Variants in SHPRH observed in about 807,000 individuals in gnomAD.
SHPRH encodes E3 ubiquitin-protein ligase SHPRH.
A neutral mutation model predicts 202.5 loss-of-function variants in SHPRH; 106 were observed. That is an observed-to-expected ratio of 0.52 (90% confidence interval 0.45 to 0.62). The LOEUF (loss-of-function observed/expected upper bound fraction) is 0.62. Among genes scored for constraint, SHPRH ranks in the 20% least tolerant of loss-of-function variants. The pLI is 0.00. For missense variants in SHPRH, 1,710 were observed against 2,020.0 expected (o/e 0.85, Z 2.94); for synonymous variants, 729 against 686.0 (o/e 1.06, Z -0.98).
chr6:145,942,236 T>C lies in SHPRH; in HGVS notation c.2239-362A>G, dbSNP rs567950205. Among the ~76,000 whole-genome samples the C allele has an allele frequency of 1.5e-4, 23 of 152,336 alleles. No individual in the cohort carries two copies. The South Asian group carries it at 1.9e-3, about 12-fold the overall frequency. ...GTAGGAGGATGGAATCAATAGCATA[T>C]GTGAAAGCACAATGGTATGAAAAAG... On this transcript the variant is annotated intron_variant, in intron 9 of 29. Transcript: ENST00000275233.
chr6:145,902,121 T>C (rs1420557427), intron 25 of SHPRH, among the ~76,000 whole-genome samples: 1 of 152,060 alleles, frequency 6.6e-6, no homozygotes, highest in Non-Finnish European at 1.5e-5. Context: ...TGAAGTAAAG[T>C]GAAGTCTTCC....
chr6:145,876,381 AAAT>A (rs1490507254), intron 2 of SHPRH, among the ~76,000 whole-genome samples: 1 of 152,222 alleles, frequency 6.6e-6, no homozygotes, highest in Non-Finnish European at 1.5e-5. Context: ...CCTCTAAAAA[AAAT>A]AAAGATTTGC....
intron 10 of SHPRH, 48 bp downstream of exon 10, chr6:145,941,575 T>A (rs2128779592): frequency 6.2e-7 from 1 of 1,603,616 alleles, no homozygotes; most frequent in Admixed American, 1.7e-5. Context: ...CCTAATTCCT[T>A]TTCACCCTTC....
chr6:145,925,166 A>G (rs1784752894), intron 16 of SHPRH, among the ~76,000 whole-genome samples: 1 of 151,806 alleles, frequency 6.6e-6, no homozygotes, highest in African/African-American at 2.4e-5. Context: ...AATGATAGGC[A>G]AAGCAAAGAC....
chr6:145,921,129 A>T (rs965339276), intron 21 of SHPRH, 38 bp downstream of exon 21: 1 of 1,550,106 alleles, frequency 6.5e-7, no homozygotes, highest in Non-Finnish European at 8.8e-7. Flanking sequence ...AAAAAAGAAG[A>T]ATTTTTAATT....
chr6:145,914,633 T>A (rs1783790775), intron 23 of SHPRH, among the ~76,000 whole-genome samples: 1 of 152,150 alleles, frequency 6.6e-6, no homozygotes, highest in African/African-American at 2.4e-5. Flanking sequence ...GTTAAAGAAG[T>A]TATAAATTTT....
At chr6:145,961,431 G>C (rs528959414) in intron 1 of SHPRH, among the ~76,000 whole-genome samples, 38 of 152,166 alleles carry the variant, frequency 2.5e-4, no homozygotes, top group Admixed American at 5.9e-4. Context: ...TCAAAGTATA[G>C]AGTAGTTGAG....
chr6:145,887,652 C>T (rs1781187449), intron 29 of SHPRH, among the ~76,000 whole-genome samples: 1 of 150,598 alleles, frequency 6.6e-6, no homozygotes, highest in Admixed American at 6.7e-5. Context: ...TCTCCTGCTT[C>T]AGCCTCCCGA....
chr6:145,886,728 G>T lies in SHPRH; in HGVS notation c.5015C>A (p.Ala1672Glu). The T allele has an allele frequency of 1.9e-6, 3 of 1,613,698 alleles. No homozygotes were observed. Among genetic ancestry groups the T allele is most frequent in the Non-Finnish European group, 2.5e-6 (3 of 1,179,750 alleles). The change falls in exon 30 of 30, where the codon GCA becomes GAA. Residue 1672 changes from alanine to glutamate, a missense_variant. Ala to Glu is a moderately radical substitution (Grantham distance 107). This residue lies in a region of SHPRH where 306 missense variants were observed against 479.5 expected (regional missense o/e 0.64). Transcript: ENST00000275233. Reference sequence around the variant, plus strand: ...TTCAGTTTCTTTGGTAAATAGGTCTGCCAGGTCAGCCACAGTCAAGACAGA... The same window carrying T: ...TTCAGTTTCTTTGGTAAATAGGTCTTCCAGGTCAGCCACAGTCAAGACAGA... ...EASVLTVADL[A>E]DLFTKETEEL...
At chr6:145,887,160 A>G (rs979702499) in intron 29 of SHPRH, among the ~76,000 whole-genome samples, 1 of 152,204 alleles carries the variant, frequency 6.6e-6, no homozygotes, top group African/African-American at 2.4e-5. Flanking sequence ...CTAAATAAAA[A>G]TCACTGAAGT....
chr6:145,958,317 T>C (rs978263237), intron 1 of SHPRH, among the ~76,000 whole-genome samples: 21 of 152,188 alleles, frequency 1.4e-4, no homozygotes, highest in African/African-American at 4.8e-4. Context: ...ATAAAGTTGA[T>C]TTAAAGAGCA....
chr6:145,871,408 A>G (rs1288119477), intron 2 of SHPRH: 1 of 152,218 alleles, frequency 6.6e-6, no homozygotes, highest in Non-Finnish European at 1.5e-5. Context: ...AACAACAGGC[A>G]AGCCAAGAGC....
At chr6:145,894,011 C>T in intron 27 of SHPRH, 139 bp downstream of exon 27, 1 of 523,742 alleles carries the variant, frequency 1.9e-6, no homozygotes, top group Non-Finnish European at 3.2e-6. Flanking sequence ...TAAATGTTCA[C>T]TTTATAATTA....
chr6:145,890,444 A>G (rs1781476569), intron 28 of SHPRH, among the ~76,000 whole-genome samples: 1 of 152,158 alleles, frequency 6.6e-6, no homozygotes, highest in Non-Finnish European at 1.5e-5. Flanking sequence ...TTTTCATAGC[A>G]CTTGAAACAG....
At chr6:145,859,651 T>C (rs1295994020), downstream of SHPRH, among the ~76,000 whole-genome samples, 1 of 152,064 alleles carries the variant, frequency 6.6e-6, no homozygotes, top group African/African-American at 2.4e-5. Flanking sequence ...TCAGTTAGAA[T>C]GAGTAAATGA....
downstream of SHPRH, among the ~76,000 whole-genome samples, chr6:145,882,719 G>T (rs1473350885): frequency 6.6e-6 from 1 of 152,172 alleles, no homozygotes; most frequent in African/African-American, 2.4e-5. Flanking sequence ...ATCAGAAGAG[G>T]CATGAGGTGC....
chr6:145,936,882 T>A (rs554801487), intron 11 of SHPRH, among the ~76,000 whole-genome samples: 1 of 152,080 alleles, frequency 6.6e-6, no homozygotes, highest in African/African-American at 2.4e-5. Flanking sequence ...ATCAATTCAA[T>A]TGCTATATGT....
At chr6:145,942,248 A>G (rs546533735) in intron 9 of SHPRH, among the ~76,000 whole-genome samples, 2 of 152,204 alleles carry the variant, frequency 1.3e-5, no homozygotes, top group East Asian at 1.9e-4. Context: ...TGAAAGCACA[A>G]TGGTATGAAA....
intron 1 of SHPRH, among the ~76,000 whole-genome samples, chr6:145,963,384 G>C (rs1168342694): frequency 6.6e-6 from 1 of 152,160 alleles, no homozygotes; most frequent in African/African-American, 2.4e-5. Context: ...AAGTTGGAAG[G>C]CATCAAACAT....
Sources: gnomAD v4.1 joint callset for allele counts (sites outside exome capture counted in the v4.1 genomes callset) on GRCh38, gnomAD v4.1.1 for gene constraint, gnomAD v4.1.1 regional missense constraint, MANE v1.5 for transcripts, NCBI Gene and HGNC (gene_info 2026-07-23, HGNC 2026-07-21) for gene names.